DSCAML1: variants seen among roughly 807,000 people sequenced by gnomAD.
The protein encoded by DSCAML1 is DS cell adhesion molecule like 1.
DSCAML1 carries 38 observed loss-of-function variants against 200.5 expected under a neutral mutation model. The ratio of observed to expected loss-of-function variants is 0.19; its 90% CI spans 0.15 to 0.25. The LOEUF is 0.25. DSCAML1 is among the 10% of genes least tolerant of loss of function. DSCAML1 has a pLI of 1.00. For missense variants in DSCAML1, 2,223 were observed against 2,858.8 expected (o/e 0.78, Z 5.07); for synonymous variants, 1,215 against 1,165.0 (o/e 1.04, Z -0.87).
intron 3 of DSCAML1, among the ~76,000 whole-genome samples, chr11:117,726,518 GTC>G (rs1210680964): frequency 6.6e-6 from 1 of 152,124 alleles, no homozygotes; most frequent in Non-Finnish European, 1.5e-5. Flanking sequence ...TCAGGATGCT[GTC>G]TCTGTTTGGA....
At chr11:117,456,621 C>T (rs746678945) in intron 19 of DSCAML1, among the ~76,000 whole-genome samples, 221 of 151,672 alleles carry the variant, frequency 1.5e-3, no homozygotes, top group Non-Finnish European at 2.7e-3. Context: ...TTCTTTGTGG[C>T]CTGGGCTTCC....
Position 117,438,965 on chromosome 11 carries a change from C to G in DSCAML1, c.4163G>C (p.Arg1388Pro). ...LLVQVPPDQP[R>P]LTVSKTSASS... ...AGCTGAGGTTTTGGAGACAGTGAGG[C>G]GGGGCTGGTCCGGGGGAACTGTGAG... The change falls in exon 24 of 33, where the codon CGC becomes CCC. Residue 1388 changes from arginine (R) to proline (P), a missense_variant. Physicochemically the swap from Arg to Pro is moderately radical, Grantham distance 103. Transcript: ENST00000651296. The G allele has an allele frequency of 1.2e-6, 2 of 1,606,186 alleles. No homozygotes were observed. Among genetic ancestry groups the G allele is most frequent in the Non-Finnish European group, 1.7e-6 (2 of 1,177,384 alleles).
At position 117,428,684 on chromosome 11, in the gene DSCAML1, T is replaced by A. The variant is rs1207320908; in HGVS notation, c.5806A>T (p.Thr1936Ser). The A allele has an allele frequency of 1.9e-6, 3 of 1,612,530 alleles. No homozygotes were observed. The highest frequency in any genetic ancestry group is 2.5e-6 in the Non-Finnish European group (3 of 1,179,592). ...REASIRNLAR[T>S]YHTQARHLTL... Reference sequence around the variant, plus strand: ...AGGTGGCGAGCCTGGGTGTGGTAGGTTCGAGCCAGGTTCCGGATGGAGGCC... The same window carrying A: ...AGGTGGCGAGCCTGGGTGTGGTAGGATCGAGCCAGGTTCCGGATGGAGGCC... Residue 1936 changes from threonine to serine, a missense_variant, in exon 33 of 33, where the codon ACC becomes TCC. By Grantham distance (58) the Thr-to-Ser change is moderately conservative. Transcript: ENST00000651296.
At chr11:117,754,981 G>A (rs999648560) in intron 3 of DSCAML1, among the ~76,000 whole-genome samples, 1 of 152,072 alleles carries the variant, frequency 6.6e-6, no homozygotes, top group Non-Finnish European at 1.5e-5. Flanking sequence ...TGGTTACCCC[G>A]GCCACAGACA....
intron 3 of DSCAML1, among the ~76,000 whole-genome samples, chr11:117,767,213 G>A (rs1181529144): frequency 6.6e-6 from 1 of 152,078 alleles, no homozygotes; most frequent in Non-Finnish European, 1.5e-5. Flanking sequence ...AAACTGCCCT[G>A]GGCTCAGATT....
At chr11:117,799,515 C>T (rs115627734), upstream of DSCAML1, among the ~76,000 whole-genome samples, 718 of 152,316 alleles carry the variant, frequency 4.7e-3, 4 homozygotes, top group African/African-American at 0.016. Flanking sequence ...AGGGCGAGGT[C>T]ATTCATTGTG....
chr11:117,464,746 A>G (rs1407372348), intron 17 of DSCAML1, among the ~76,000 whole-genome samples, 196 bp downstream of exon 17: 2 of 152,226 alleles, frequency 1.3e-5, no homozygotes, highest in Admixed American at 1.3e-4. Context: ...GAGAGGCCCG[A>G]TATGCTGAAT....
intron 5 of DSCAML1, among the ~76,000 whole-genome samples, chr11:117,522,072 C>A (rs957522749): frequency 4.5e-4 from 69 of 152,250 alleles, no homozygotes; most frequent in Admixed American, 1.3e-4. Context: ...CCGTTGTCAC[C>A]AAAGCCATAG....
rs186706793 is a variant in DSCAML1, at chr11:117,811,468, T to C, written c.-250+5922A>G. 2.6e-4 allele frequency among the ~76,000 whole-genome samples: 39 copies of C among 152,332 alleles called. No individual in the cohort carries two copies. The East Asian group carries it at 6.6e-3, about 26-fold the overall frequency. ...CCTCCACTGTGAGACAAACCCCAGC[T>C]ACATCTCCAGCACACAAGAACTTCC... On this transcript the variant is annotated intron_variant, in intron 1 of 2. Coordinates refer to the DSCAML1 transcript ENST00000525836.
At chr11:117,580,221 C>T (rs79517065) in intron 3 of DSCAML1, among the ~76,000 whole-genome samples, 2,209 of 152,332 alleles carry the variant, frequency 0.015, 30 homozygotes, top group East Asian at 0.064. Context: ...GGTTCTGTGA[C>T]TCATACTTCC....
At chr11:117,592,743 A>G (rs2051281851) in intron 3 of DSCAML1, among the ~76,000 whole-genome samples, 1 of 152,204 alleles carries the variant, frequency 6.6e-6, no homozygotes, top group Admixed American at 6.5e-5. Flanking sequence ...CAGATGGGGG[A>G]AAGCTGAGGC....
At chr11:117,695,155 A>G (rs1283753486) in intron 3 of DSCAML1, among the ~76,000 whole-genome samples, 4 of 152,112 alleles carry the variant, frequency 2.6e-5, no homozygotes, top group Non-Finnish European at 5.9e-5. Context: ...AAGGGAGAGA[A>G]AGAGAGTCCA....
intron 3 of DSCAML1, among the ~76,000 whole-genome samples, chr11:117,588,789 GC>G (rs1046321841): frequency 6.6e-6 from 1 of 152,166 alleles, no homozygotes; most frequent in Non-Finnish European, 1.5e-5. Context: ...CTGAGGCATG[GC>G]CAGGGGCGGG....
At chr11:117,440,299 C>T (rs892412485) in intron 21 of DSCAML1, among the ~76,000 whole-genome samples, 9 of 152,038 alleles carry the variant, frequency 5.9e-5, no homozygotes, top group African/African-American at 1.9e-4. Context: ...CCTAGGGGTG[C>T]GAGGCAGGGG....
intron 5 of DSCAML1, among the ~76,000 whole-genome samples, chr11:117,524,067 G>A (rs2049929817): frequency 6.6e-6 from 1 of 152,178 alleles, no homozygotes; most frequent in Non-Finnish European, 1.5e-5. Flanking sequence ...GGGTGAGCTG[G>A]GCCTCACAAA....
At chr11:117,610,380 G>A (rs780765957) in intron 3 of DSCAML1, among the ~76,000 whole-genome samples, 1 of 152,154 alleles carries the variant, frequency 6.6e-6, no homozygotes, top group Admixed American at 6.5e-5. Flanking sequence ...CTACGAACAG[G>A]TAGAAGGGTG....
chr11:117,652,536 A>T (rs2052655301), intron 3 of DSCAML1, among the ~76,000 whole-genome samples: 1 of 152,244 alleles, frequency 6.6e-6, no homozygotes, highest in East Asian at 1.9e-4. Flanking sequence ...AAAAGGTGAC[A>T]TACTCACACC....
chr11:117,593,758 C>T (rs2051307241), intron 3 of DSCAML1, among the ~76,000 whole-genome samples: 1 of 148,916 alleles, frequency 6.7e-6, no homozygotes, highest in African/African-American at 2.5e-5. Context: ...GTTTCCCAGG[C>T]TAGAGTGCAG....
chr11:117,811,050 C>T (rs1254508069), intron 1 of DSCAML1, among the ~76,000 whole-genome samples: 4 of 151,948 alleles, frequency 2.6e-5, no homozygotes, highest in Admixed American at 2.6e-4. Flanking sequence ...CCTCCTCACA[C>T]CCGGTCTGAC....
Sources: allele counts gnomAD v4.1 joint callset (sites outside exome capture counted in the v4.1 genomes callset), GRCh38; gene constraint gnomAD v4.1.1; transcripts MANE v1.5; gene names NCBI Gene and HGNC (gene_info 2026-07-23, HGNC 2026-07-21).